The following SHISAL2A variants were observed in gnomAD, a reference collection of about 807,000 sequenced individuals.
SHISAL2A encodes the protein shisa like 2A.
SHISAL2A carries 18 observed loss-of-function variants against 11.5 expected under a neutral mutation model. The ratio of observed to expected loss-of-function variants is 1.57; its 90% confidence interval spans 1.08 to 2.33. The LOEUF is 2.33. Ranked by LOEUF, SHISAL2A falls within the 30% of genes most tolerant of loss-of-function variation. The pLI is 0.00. For synonymous variants in SHISAL2A, 94 were observed against 99.6 expected, an observed-to-expected ratio of 0.94 and a Z score of 0.34; for missense variants, 261 against 250.9, an observed-to-expected ratio of 1.04 and a Z score of -0.27.
At chr1:52,645,313 C>T (rs980131951) in intron 2 of SHISAL2A, among the ~76,000 whole-genome samples, 1 of 152,136 alleles carries the variant, frequency 6.6e-6, no homozygotes, top group Non-Finnish European at 1.5e-5. Context: ...GTGAGAAAGA[C>T]CTGAGAGGCA....
Position 52,654,258 on chromosome 1 carries a change from T to TAGATAGAC in SHISAL2A, c.323-2529_323-2528insTAGACAGA, listed in dbSNP as rs1305001656. Among the ~76,000 whole-genome samples, 341 of 151,114 alleles carry TAGATAGAC rather than the reference T, an allele frequency of 2.3e-3. 2 individuals carry two copies. Among genetic ancestry groups the TAGATAGAC allele is most frequent in the African/African-American group, 7.5e-3 (309 of 40,934 alleles). Reference sequence around the variant, plus strand: ...ATAGATAGATAGATAGATAGATAGATAGACAGATAGATAGATAGATAGATA... The same window carrying TAGATAGAC: ...ATAGATAGATAGATAGATAGATAGATAGATAGACAGACAGATAGATAGATAGATAGATA... On this transcript the variant is annotated intron_variant, in intron 2 of 2. Transcript: ENST00000517870.
chr1:52,650,610 T>C, intron 2 of SHISAL2A, among the ~76,000 whole-genome samples: 1 of 151,434 alleles, frequency 6.6e-6, no homozygotes, highest in East Asian at 1.9e-4. Flanking sequence ...ATGTTGGCAA[T>C]CTCAAACATA....
rs539186580 is a variant in SHISAL2A at position 52,638,037 on chromosome 1, C to T, written c.182+4362C>T. Among the ~76,000 whole-genome samples the T allele has an allele frequency of 4.6e-5, 7 of 152,280 alleles. No individual in the cohort carries two copies. In the South Asian group the frequency reaches 1.0e-3, roughly 23 times the overall value. On this transcript the variant is annotated intron_variant, in intron 1 of 2. Transcript: ENST00000517870. ...GCAGTACATTCACCATGGAACAACT[C>T]GGATCATTTGAAGTTCATCTCATGC...
chr1:52,633,367 C>A lies in SHISAL2A; in HGVS notation c.-127C>A. 2.3e-6 allele frequency: 2 copies of A among 863,292 alleles called. No homozygotes were observed. The highest frequency in any genetic ancestry group is 3.3e-6 in the Non-Finnish European group (2 of 608,452). The allele number at this position is 863,292 out of a possible 1,614,324, so 53.5% of individuals were successfully genotyped here. Reference sequence around the variant, plus strand: ...CTGTCTCTGTCTCGGCTTCTCTCGGCCCCTGGGTCTCTTCGTCTCTGCCGT... The same window carrying A: ...CTGTCTCTGTCTCGGCTTCTCTCGGACCCTGGGTCTCTTCGTCTCTGCCGT... On this transcript the variant is annotated 5_prime_UTR_variant, in exon 1 of 3. Coordinates refer to ENST00000517870, the MANE Select transcript of SHISAL2A (RefSeq NM_001042693.3). The surrounding 1 kb of genome is among the most constrained non-coding windows in gnomAD (Gnocchi z 6.4).
intron 4 of SHISAL2A, among the ~76,000 whole-genome samples, chr1:52,665,596 G>A (rs1336805964): frequency 1.3e-5 from 2 of 152,038 alleles, no homozygotes; most frequent in African/African-American, 4.8e-5. Context: ...CCATTAAGTC[G>A]AATTAAGCCA....
intron 2 of SHISAL2A, among the ~76,000 whole-genome samples, chr1:52,651,094 G>A (rs1345748764): frequency 1.3e-5 from 2 of 152,054 alleles, no homozygotes; most frequent in Non-Finnish European, 2.9e-5. Flanking sequence ...CTTTCAGTTG[G>A]ATAGAACTCA....
At chr1:52,638,942 C>A (rs138916118) in intron 1 of SHISAL2A, among the ~76,000 whole-genome samples, 45 of 152,258 alleles carry the variant, frequency 3.0e-4, no homozygotes, top group African/African-American at 9.6e-4. Context: ...ATAGCCAAGG[C>A]GGGCAGATTG....
intron 2 of SHISAL2A, among the ~76,000 whole-genome samples, chr1:52,652,965 C>CAAAAAAAAAAAAAAAA (rs36154490): frequency 4.5e-5 from 1 of 22,370 alleles, no homozygotes; most frequent in African/African-American, 2.2e-4. Flanking sequence ...GACTCTGTCT[C>CAAAAAAAAAAAAAAAA]AAAAAAAAAA....
intron 1 of SHISAL2A, among the ~76,000 whole-genome samples, chr1:52,635,336 A>C (rs2149871606): frequency 6.6e-6 from 1 of 152,288 alleles, no homozygotes; most frequent in East Asian, 1.9e-4. Context: ...CATAATTCTC[A>C]AATCCACACC....
chr1:52,641,355 C>T (rs1691360474), intron 1 of SHISAL2A, among the ~76,000 whole-genome samples: 1 of 152,136 alleles, frequency 6.6e-6, no homozygotes, highest in African/African-American at 2.4e-5. Flanking sequence ...AGCCCGTAAC[C>T]TGTGGGAGCT....
Position 52,633,426 on chromosome 1 carries a change from G to C in SHISAL2A, c.-68G>C. 1 of 1,353,884 alleles carries C rather than the reference G, an allele frequency of 7.4e-7. No individual in the cohort carries two copies. Among genetic ancestry groups the C allele is most frequent in the Non-Finnish European group, 9.6e-7 (1 of 1,042,212 alleles). The allele number at this position is 1,353,884 out of a possible 1,614,324, so 83.9% of individuals were successfully genotyped here. On this transcript the variant is annotated 5_prime_UTR_variant, in exon 1 of 3. Coordinates refer to ENST00000517870, the MANE Select transcript of SHISAL2A (RefSeq NM_001042693.3). This position sits in a 1 kb window ranked among gnomAD's most constrained non-coding sequence, Gnocchi z 6.4. ...TCAGCTCCGTCTCGCTCGGTCCCTC[G>C]CTTCCCCGCCGGGCTCTAGCCGGCC...
At chr1:52,643,060 G>C (rs1323894551) in intron 2 of SHISAL2A, 58 bp downstream of exon 2, 1 of 1,540,576 alleles carries the variant, frequency 6.5e-7, no homozygotes, top group East Asian at 2.3e-5. Context: ...TTTTCAAGGG[G>C]GGAGAAATGT....
At chr1:52,658,003 T>C (rs1241479992), downstream of SHISAL2A, among the ~76,000 whole-genome samples, 1 of 152,134 alleles carries the variant, frequency 6.6e-6, no homozygotes, top group Admixed American at 6.6e-5. Context: ...AATGAGGTGA[T>C]GGATTTGAAC....
At chr1:52,643,934 A>C (rs909058511) in intron 2 of SHISAL2A, among the ~76,000 whole-genome samples, 12 of 151,758 alleles carry the variant, frequency 7.9e-5, no homozygotes, top group African/African-American at 2.9e-4. Context: ...AAGGGAGAGA[A>C]AGAGAAAGGA....
intron 2 of SHISAL2A, among the ~76,000 whole-genome samples, chr1:52,651,422 A>G (rs933015538): frequency 3.3e-5 from 5 of 151,966 alleles, no homozygotes; most frequent in African/African-American, 1.2e-4. Flanking sequence ...TTTTTAGTAG[A>G]GACGGGGTTT....
chr1:52,641,209 G>T (rs903867501), intron 1 of SHISAL2A, among the ~76,000 whole-genome samples: 1 of 152,186 alleles, frequency 6.6e-6, no homozygotes, highest in Admixed American at 6.5e-5. Flanking sequence ...AGTTCAGTGA[G>T]CTGTCCTAGC....
chr1:52,643,858 AAGAAAGAAAGAAAGAG>A (rs1451131317), intron 2 of SHISAL2A, among the ~76,000 whole-genome samples: 2 of 150,728 alleles, frequency 1.3e-5, no homozygotes, highest in Middle Eastern at 3.4e-3. Flanking sequence ...CTCAGAAAGA[AAGAAAGAAAGAAAGAG>A]AGAAAGAGAG....
At chr1:52,650,970 T>G (rs1691630706) in intron 2 of SHISAL2A, among the ~76,000 whole-genome samples, 1 of 150,184 alleles carries the variant, frequency 6.7e-6, no homozygotes, top group African/African-American at 2.5e-5. Context: ...TTTTAACAGC[T>G]TCCCACATAA....
chr1:52,646,393 G>A (rs1338079911), intron 2 of SHISAL2A, among the ~76,000 whole-genome samples: 1 of 151,738 alleles, frequency 6.6e-6, no homozygotes, highest in Non-Finnish European at 1.5e-5. Context: ...GAAAAGATTG[G>A]CAAATGTCCC....
Sources: gnomAD v4.1 joint callset for allele counts (sites outside exome capture counted in the v4.1 genomes callset) on GRCh38, gnomAD v4.1.1 for gene constraint, Gnocchi (gnomAD v3.1) non-coding constraint, MANE v1.5 for transcripts, NCBI Gene and HGNC (gene_info 2026-07-23, HGNC 2026-07-21) for gene names.